The following TUNAR variants were observed in gnomAD, a reference collection of about 807,000 sequenced individuals.
The protein encoded by TUNAR is transmembrane neural differentiation associated intracellular calcium regulator, also known as protein TUNAR.
intron 2 of TUNAR, among the ~76,000 whole-genome samples, chr14:95,901,484 G>T (rs1175025988): frequency 1.3e-5 from 2 of 152,248 alleles, no homozygotes; most frequent in Non-Finnish European, 2.9e-5. Flanking sequence ...AGGGACAGAG[G>T]CAGGAGATGT....
chr14:95,896,783 G>A (rs958213147), intron 2 of TUNAR, among the ~76,000 whole-genome samples: 1 of 152,242 alleles, frequency 6.6e-6, no homozygotes, highest in African/African-American at 2.4e-5. Context: ...TCATGCGGCA[G>A]CAGAGTACTC....
At chr14:95,913,358 C>T (rs1174699255) in intron 2 of TUNAR, among the ~76,000 whole-genome samples, 1 of 152,066 alleles carries the variant, frequency 6.6e-6, no homozygotes, top group Non-Finnish European at 1.5e-5. Flanking sequence ...TGATGTTCCC[C>T]TCCCTGTGTC....
chr14:95,917,982 C>T (rs1889633257), intron 2 of TUNAR, among the ~76,000 whole-genome samples: 1 of 150,798 alleles, frequency 6.6e-6, no homozygotes, highest in African/African-American at 2.4e-5. Context: ...CTCCACCCAG[C>T]CCCTGGCAGG....
exon 3 of TUNAR, chr14:95,923,203 G>A (rs1156396468): frequency 2.0e-5 from 7 of 353,096 alleles, no homozygotes; most frequent in South Asian, 1.5e-4. Context: ...GGAACTCAAC[G>A]TCTTTGGCAG....
intron 2 of TUNAR, among the ~76,000 whole-genome samples, chr14:95,901,995 C>T (rs552061538): frequency 2.0e-5 from 3 of 152,010 alleles, no homozygotes; most frequent in South Asian, 4.2e-4. Flanking sequence ...GTGTAAAGGC[C>T]CTGGGGTAGT....
intron 2 of TUNAR, among the ~76,000 whole-genome samples, chr14:95,887,799 G>A (rs1465970795): frequency 2.0e-5 from 3 of 152,206 alleles, no homozygotes; most frequent in African/African-American, 4.8e-5. Flanking sequence ...CCAGATGATG[G>A]ATGACAAAGC....
At chr14:95,899,733 T>C (rs1356930425) in intron 2 of TUNAR, among the ~76,000 whole-genome samples, 1 of 152,100 alleles carries the variant, frequency 6.6e-6, no homozygotes, top group Admixed American at 6.5e-5. Context: ...TGGGGTCCCT[T>C]TTATAAGGAC....
intron 2 of TUNAR, among the ~76,000 whole-genome samples, chr14:95,890,874 CT>C (rs796075395): frequency 1.2e-4 from 19 of 152,294 alleles, no homozygotes; most frequent in African/African-American, 4.3e-4. Context: ...CATTTCACCC[CT>C]GACAGCTGAG....
At chr14:95,891,986 T>A (rs1268465981) in intron 2 of TUNAR, among the ~76,000 whole-genome samples, 1 of 152,238 alleles carries the variant, frequency 6.6e-6, no homozygotes, top group African/African-American at 2.4e-5. Flanking sequence ...ATCCTCTATT[T>A]TCCTCTTATG....
chr14:95,909,027 A>G (rs1242864498), intron 2 of TUNAR, among the ~76,000 whole-genome samples: 5 of 152,174 alleles, frequency 3.3e-5, no homozygotes, highest in African/African-American at 1.2e-4. Flanking sequence ...CTTTCCTCAG[A>G]GATACCTGAT....
At chr14:95,903,054 G>A (rs1889380509) in intron 2 of TUNAR, among the ~76,000 whole-genome samples, 1 of 152,108 alleles carries the variant, frequency 6.6e-6, no homozygotes, top group South Asian at 2.1e-4. Flanking sequence ...GTAATCAGGT[G>A]GGCATTGTTA....
intron 2 of TUNAR, among the ~76,000 whole-genome samples, chr14:95,899,965 C>G (rs1407184787): frequency 6.6e-6 from 1 of 152,178 alleles, no homozygotes; most frequent in Non-Finnish European, 1.5e-5. Context: ...GAACTTTCTC[C>G]TATAGAATAT....
At chr14:95,918,801 T>A (rs1889646566) in intron 2 of TUNAR, among the ~76,000 whole-genome samples, 2 of 152,214 alleles carry the variant, frequency 1.3e-5, no homozygotes, top group African/African-American at 4.8e-5. Context: ...ACTGTGATGA[T>A]GGGTCTTTGG....
intron 2 of TUNAR, among the ~76,000 whole-genome samples, chr14:95,915,469 C>T (rs1266302354): frequency 2.6e-5 from 4 of 152,204 alleles, no homozygotes; most frequent in Non-Finnish European, 5.9e-5. Flanking sequence ...AGAGACAGAG[C>T]ATCTTATAGG....
chr14:95,906,012 G>A lies in TUNAR; in HGVS notation c.13-16769G>A, dbSNP rs116307815. Among the ~76,000 whole-genome samples, 763 of 152,220 alleles carry A rather than the reference G, an allele frequency of 5.0e-3. 9 individuals are homozygous for A. Among genetic ancestry groups the A allele is most frequent in the African/African-American group, 0.018 (727 of 41,540 alleles). On this transcript the variant is annotated intron_variant, in intron 2 of 2. Transcript: ENST00000678517. The stretch of plus-strand genomic sequence containing the variant: ...GGCCATTAGAAGTTCCTTCAGGTTT[G>A]CTCTTGTGTTTTCAACCAGCCCCTC...
At chr14:95,925,422 A>G (rs938242184) in exon 3 of TUNAR, 2 of 152,184 alleles carry the variant, frequency 1.3e-5, no homozygotes, top group East Asian at 1.9e-4. Context: ...ATCATACACT[A>G]AGGATAAGGG....
At chr14:95,910,256 C>G (rs57387717) in intron 2 of TUNAR, among the ~76,000 whole-genome samples, 3,762 of 152,272 alleles carry the variant, frequency 0.025, 140 homozygotes, top group African/African-American at 0.084. Context: ...GTGGCTCACG[C>G]CTGTAATCCC....
At chr14:95,924,027 G>A (rs761823452) in exon 3 of TUNAR, 1 of 152,180 alleles carries the variant, frequency 6.6e-6, no homozygotes, top group Admixed American at 6.5e-5. Flanking sequence ...TACCGGCAGC[G>A]TTATTGTTTC....
chr14:95,914,513 A>G (rs927115156), intron 2 of TUNAR, among the ~76,000 whole-genome samples: 3 of 152,118 alleles, frequency 2.0e-5, no homozygotes, highest in Non-Finnish European at 4.4e-5. Context: ...TCTTTCCCTT[A>G]TGTTTTCCTT....
Sources: gnomAD v4.1 joint callset for allele counts (sites outside exome capture counted in the v4.1 genomes callset) on GRCh38, gnomAD v4.1.1 for gene constraint, MANE v1.5 for transcripts, NCBI Gene and HGNC (gene_info 2026-07-23, HGNC 2026-07-21) for gene names.